Variants in ATP8B3 observed in about 807,000 individuals in gnomAD.
ATP8B3 encodes the protein ATPase phospholipid transporting 8B3.
In ATP8B3, 141 loss-of-function variants were observed where a neutral mutation model predicts 140.9. The ratio of observed to expected loss-of-function variants is 1.00; its 90% CI spans 0.87 to 1.15. ATP8B3 has a LOEUF of 1.15. Ranked by LOEUF, ATP8B3 falls within the 50% of genes most tolerant of loss-of-function variation. The probability of loss-of-function intolerance (pLI) is 0.00; values close to 1 mark genes in which losing one functional copy is unlikely to be tolerated. For synonymous variants in ATP8B3, 765 were observed against 714.6 expected, an observed-to-expected ratio of 1.07 and a Z score of -1.13; for missense variants, 1,874 against 1,740.6, an observed-to-expected ratio of 1.08 and a Z score of -1.36.
chr19:1,808,006 C>T (rs2069079368), intron 5 of ATP8B3, among the ~76,000 whole-genome samples: 1 of 152,230 alleles, frequency 6.6e-6, no homozygotes, highest in Non-Finnish European at 1.5e-5. Flanking sequence ...GAGAGGGTGC[C>T]GTCATCAGAC....
Position 1,806,622 on chromosome 19 carries a change from C to A in ATP8B3, c.677+6G>T. Reference sequence around the variant, plus strand: ...CGCGGATCCCCAGCTGCAGCCCCAGCCTCACCTCTTCCCCATCAGAATCTG... The same window carrying A: ...CGCGGATCCCCAGCTGCAGCCCCAGACTCACCTCTTCCCCATCAGAATCTG... On this transcript the variant is annotated splice_donor_region_variant and intron_variant, in intron 7 of 28. Coordinates refer to ENST00000310127, the MANE Select transcript of ATP8B3 (RefSeq NM_138813.4). This position sits in a 1 kb window ranked among gnomAD's most constrained non-coding sequence, Gnocchi z 5.6. 2 of 1,556,234 alleles carry A rather than the reference C, an allele frequency of 1.3e-6. No homozygotes were observed. Among genetic ancestry groups the A allele is most frequent in the Non-Finnish European group, 8.7e-7 (1 of 1,150,136 alleles).
In ATP8B3 at chr19:1,789,541, G is replaced by C. The variant is rs935509808; in HGVS notation, c.2665C>G (p.Arg889Gly). The C allele has an allele frequency of 3.8e-6, 6 of 1,596,730 alleles. No individual in the cohort carries two copies. In the African/African-American group the frequency reaches 4.0e-5, roughly 11 times the overall value. ...CGCTCCTGCAGCACCTCGGAGCTAC[G>C]GCGGGCTCTGGAGTCCTGGGCTGGC... Reference protein sequence around the residue: ...APPAQDSRARRSSEVLQERAF... With the variant: ...APPAQDSRARGSSEVLQERAF... The change falls in exon 23 of 29, where the codon CGT becomes GGT. Residue 889 changes from arginine to glycine, a missense_variant. By Grantham distance (125) the Arg-to-Gly change is moderately radical (BLOSUM62 -2). Around this residue, in one of 3 missense-constraint regions of ATP8B3, gnomAD observed 840 missense variants for 760.9 expected, o/e 1.10. Transcript: ENST00000310127.
chr19:1,790,864 A>ACC, intron 20 of ATP8B3, 32 bp from the exon 21 acceptor site: 1 of 1,552,238 alleles, frequency 6.4e-7, no homozygotes, highest in Non-Finnish European at 8.7e-7. Flanking sequence ...CGCCTCTGCG[A>ACC]CCCGCCCCGC....
At chr19:1,799,726 T>G in intron 14 of ATP8B3, 1 of 601,054 alleles carries the variant, frequency 1.7e-6, no homozygotes, top group Non-Finnish European at 3.0e-6. Flanking sequence ...ATTGCACCAC[T>G]GCATTCCTGC....
chr19:1,789,755 G>A, intron 22 of ATP8B3, 28 bp from the exon 23 acceptor site: 1 of 1,540,940 alleles, frequency 6.5e-7, no homozygotes, highest in Admixed American at 1.9e-5. Context: ...GGCTGTGCCA[G>A]GCGCCGTGGC....
intron 4 of ATP8B3, 72 bp from the exon 5 acceptor site, chr19:1,808,407 A>C (rs942913383): frequency 1.7e-6 from 2 of 1,149,522 alleles, no homozygotes; most frequent in Non-Finnish European, 2.6e-6. Context: ...GCCCGAGGCC[A>C]GACCTGCCTC....
At position 1,789,901 on chromosome 19, in the gene ATP8B3, C is replaced by T. The variant is rs1306872084; in HGVS notation, c.2467G>A (p.Gly823Arg). 2 of 1,611,750 alleles carry T rather than the reference C, an allele frequency of 1.2e-6. No homozygotes were observed. The highest frequency in any genetic ancestry group is 1.7e-5 in the Admixed American group (1 of 59,980). The change falls in exon 22 of 29, where the codon GGA becomes AGA. Residue 823 changes from glycine (G) to arginine (R), a missense_variant. Physicochemically the swap from Gly to Arg is moderately radical, Grantham distance 125. This residue lies in a region of ATP8B3 where 840 missense variants were observed against 760.9 expected (regional missense o/e 1.10). Transcript: ENST00000310127. ...TGAGCGACACTGACCAGGAAGTCTC[C>T]GTTAATGACCAAGGCCAGCTTGACC... is the stretch of plus-strand genomic sequence containing the variant. ...SQVKLALVIN[G>R]DFLDKLLVSL...
At position 1,791,816 on chromosome 19, in the gene ATP8B3, G is replaced by A. The variant is rs2068519036; in HGVS notation, c.2236C>T (p.Pro746Ser). 1 of 1,611,656 alleles carries A rather than the reference G, an allele frequency of 6.2e-7. No individual in the cohort carries two copies. Among genetic ancestry groups the A allele is most frequent in the South Asian group, 1.1e-5 (1 of 91,082 alleles). The change falls in exon 20 of 29, where the codon CCT becomes TCT. Residue 746 changes from proline (P) to serine (S), a missense_variant. Around this residue, in one of 3 missense-constraint regions of ATP8B3, gnomAD observed 840 missense variants for 760.9 expected, o/e 1.10. Coordinates refer to ENST00000310127, the MANE Select transcript of ATP8B3 (RefSeq NM_138813.4). ...TTCTTGAGACATTTGATGGTTTCAG[G>A]GACACCGTCCTGGAGTCTGTCCTCG... Reference protein sequence around the residue: ...AIEDRLQDGVPETIKCLKKSN... With the variant: ...AIEDRLQDGVSETIKCLKKSN...
chr19:1,801,475 G>T (rs1244961257), intron 12 of ATP8B3, among the ~76,000 whole-genome samples: 1 of 152,196 alleles, frequency 6.6e-6, no homozygotes, highest in Non-Finnish European at 1.5e-5. Context: ...TTCTGGCCAG[G>T]CACGGTGGCT....
At chr19:1,808,010 A>T (rs1006488847) in intron 5 of ATP8B3, among the ~76,000 whole-genome samples, 5 of 152,246 alleles carry the variant, frequency 3.3e-5, no homozygotes, top group African/African-American at 1.2e-4. Flanking sequence ...GGGTGCCGTC[A>T]TCAGACCTGG....
rs572352930 is a variant in ATP8B3, at chr19:1,789,792, G to A, written c.2479-65C>T. 1.2e-4 allele frequency: 187 copies of A among 1,565,422 alleles called. 1 individual carries two copies. In the African/African-American group the frequency reaches 2.2e-3, roughly 18 times the overall value. On this transcript the variant is annotated intron_variant, in intron 22 of 28. Transcript: ENST00000310127. ...TCCAGGCCAGACTGGACCCTACCCG[G>A]CCCTCGGCCTCGCCAGCAGTCCCCA... is the stretch of plus-strand genomic sequence containing the variant.
intron 10 of ATP8B3, 97 bp from the exon 11 acceptor site, chr19:1,802,742 ACGAGCCCCTCTGTGCCCCAAACTTG>A: frequency 7.0e-7 from 1 of 1,423,800 alleles, no homozygotes; most frequent in Non-Finnish European, 9.5e-7. Flanking sequence ...GGCCACCCTC[ACGAGCCCCTCTGTGCCCCAAACTTG>A]CCCTATGGTG....
chr19:1,803,599 T>C (rs1439041409), intron 10 of ATP8B3, among the ~76,000 whole-genome samples: 2 of 151,980 alleles, frequency 1.3e-5, no homozygotes, highest in African/African-American at 4.8e-5. Flanking sequence ...GTCCCAGTGG[T>C]GTTAAAGAAG....
At chr19:1,791,314 G>A (rs115299146) in intron 20 of ATP8B3, among the ~76,000 whole-genome samples, 120 of 151,740 alleles carry the variant, frequency 7.9e-4, no homozygotes, top group African/African-American at 2.8e-3. Context: ...GGGCATAAGC[G>A]AGCCTCCTGC....
At position 1,802,027 on chromosome 19, in the gene ATP8B3, T is replaced by A; in HGVS notation, c.1081A>T (p.Met361Leu). ...AAATGGATCTTGCCACAGTTCTTCA[T>A]AATTTTTGTGTCAAAACCTACAAAC... is the stretch of plus-strand genomic sequence containing the variant. ...VIYAGFDTKI[M>L]KNCGKIHLKR... The change falls in exon 12 of 29, where the codon ATG (methionine) becomes TTG (leucine). Residue 361 changes from methionine to leucine, a missense_variant. By Grantham distance (15) the Met-to-Leu change is conservative. This residue lies in a region of ATP8B3 where 1,032 missense variants were observed against 963.6 expected (regional missense o/e 1.07). Coordinates refer to ENST00000310127, the MANE Select transcript of ATP8B3 (RefSeq NM_138813.4). The A allele has an allele frequency of 6.2e-7, 1 of 1,611,964 alleles. No homozygotes were observed. The highest frequency in any genetic ancestry group is 8.5e-7 in the Non-Finnish European group (1 of 1,179,598).
At chr19:1,790,675 G>T in intron 21 of ATP8B3, 82 bp downstream of exon 21, 1 of 365,394 alleles carries the variant, frequency 2.7e-6, no homozygotes, top group South Asian at 4.7e-5. Context: ...TGGGCTCCCC[G>T]TCCAGTGAGA....
In ATP8B3 at chr19:1,796,723, G is replaced by T; in HGVS notation, c.1741C>A (p.Arg581Ser). The change falls in exon 16 of 29, where the codon CGT (arginine) becomes AGT (serine). Residue 581 changes from arginine to serine, a missense_variant. Arg to Ser is a moderately radical substitution (Grantham distance 110). This residue lies in a region of ATP8B3 where 1,032 missense variants were observed against 963.6 expected (regional missense o/e 1.07). Transcript: ENST00000310127. ...CHTVMVRESP[R>S]ERPDQLLYQA... Reference sequence around the variant, plus strand: ...TGGGTGGGCGCACCTGGGCGCTCACGGGGGCTCTCCCGCACCATCACCGTG... The same window carrying T: ...TGGGTGGGCGCACCTGGGCGCTCACTGGGGCTCTCCCGCACCATCACCGTG... 1 of 1,610,532 alleles carries T rather than the reference G, an allele frequency of 6.2e-7. No homozygotes were observed. Among genetic ancestry groups the T allele is most frequent in the Non-Finnish European group, 8.5e-7 (1 of 1,179,234 alleles).
intron 28 of ATP8B3, among the ~76,000 whole-genome samples, chr19:1,783,801 T>G (rs1387221043): frequency 6.6e-6 from 1 of 152,174 alleles, no homozygotes; most frequent in African/African-American, 2.4e-5. Context: ...CAACTTGCTT[T>G]TCCATGCATG....
Position 1,805,416 on chromosome 19 carries a change from G to A in ATP8B3, c.862C>T (p.His288Tyr), listed in dbSNP as rs369004518. 34 of 1,567,236 alleles carry A rather than the reference G, an allele frequency of 2.2e-5. No homozygotes were observed. Among genetic ancestry groups the A allele is most frequent in the Non-Finnish European group, 2.7e-5 (31 of 1,154,006 alleles). Residue 288 changes from histidine (H) to tyrosine (Y), a missense_variant, in exon 10 of 29, where the codon CAC (histidine) becomes TAC (tyrosine). Physicochemically the swap from His to Tyr is moderately conservative, Grantham distance 83. Transcript: ENST00000310127. This position sits in a 1 kb window ranked among gnomAD's most constrained non-coding sequence, Gnocchi z 5.2. ...LKFRQALMVTHKELATIKKMA... is the reference protein window; with the variant it reads ...LKFRQALMVTYKELATIKKMA... The stretch of plus-strand genomic sequence containing the variant: ...TTCTTTATAGTGGCCAGTTCTTTGT[G>A]GGTGACCATCAGGGCCTGTCTGAAC...
Sources: allele counts gnomAD v4.1 joint callset (sites outside exome capture counted in the v4.1 genomes callset), GRCh38; gene constraint gnomAD v4.1.1; regional missense constraint gnomAD v4.1.1; non-coding constraint Gnocchi (gnomAD v3.1); transcripts MANE v1.5; gene names NCBI Gene and HGNC (gene_info 2026-07-23, HGNC 2026-07-21).